CNOT1: variants seen among roughly 807,000 people sequenced by gnomAD.
The protein encoded by CNOT1 is CCR4-associated factor 1.
In CNOT1, 15 loss-of-function variants were observed where a neutral mutation model predicts 273.8. The observed-to-expected ratio is 0.05, with a 90% CI of 0.04 to 0.08. The LOEUF (loss-of-function observed/expected upper bound fraction) is 0.08, where lower values mean the gene tolerates loss of function less well. CNOT1 is among the 10% of genes least tolerant of loss of function. The pLI is 1.00. For missense variants in CNOT1, 1,644 were observed against 2,912.2 expected (o/e 0.56, Z 10.02); for synonymous variants, 1,022 against 1,005.5 (o/e 1.02, Z -0.31).
chr16:58,523,329 A>C (rs1234308924), intron 47 of CNOT1, 41 bp downstream of exon 47: 1 of 1,534,660 alleles, frequency 6.5e-7, no homozygotes, highest in East Asian at 2.3e-5. Flanking sequence ...GAAAGGGAGG[A>C]GATCCTTTTG....
chr16:58,603,784 C>T (rs1383099013), intron 1 of CNOT1, among the ~76,000 whole-genome samples: 1 of 152,120 alleles, frequency 6.6e-6, no homozygotes, highest in Admixed American at 6.6e-5. Flanking sequence ...ATCACCTTCT[C>T]AGTGAAGACA....
chr16:58,532,552 C>T (rs896692031), intron 40 of CNOT1, 157 bp from the exon 41 acceptor site: 5 of 1,337,344 alleles, frequency 3.7e-6, no homozygotes, highest in Non-Finnish European at 3.0e-6. Flanking sequence ...CCGATAGGGT[C>T]ATAAATTGGT....
chr16:58,619,948 A>T (rs2043249238), intron 1 of CNOT1, among the ~76,000 whole-genome samples: 1 of 152,210 alleles, frequency 6.6e-6, no homozygotes, highest in African/African-American at 2.4e-5. Flanking sequence ...TGATATTCTA[A>T]AATCCAATGC....
At chr16:58,586,999 C>T (rs1312713944) in intron 6 of CNOT1, among the ~76,000 whole-genome samples, 1 of 152,152 alleles carries the variant, frequency 6.6e-6, no homozygotes, top group Non-Finnish European at 1.5e-5. Context: ...TGTTACACAA[C>T]CTGAATACAA....
At chr16:58,568,784 A>C (rs2041157441) in intron 16 of CNOT1, among the ~76,000 whole-genome samples, 1 of 152,262 alleles carries the variant, frequency 6.6e-6, no homozygotes, top group African/African-American at 2.4e-5. Flanking sequence ...ATTAGGTTTA[A>C]GAAAATCTCG....
chr16:58,607,690 G>A (rs1386845720), intron 1 of CNOT1, among the ~76,000 whole-genome samples: 1 of 124,374 alleles, frequency 8.0e-6, no homozygotes, highest in Non-Finnish European at 1.6e-5. Flanking sequence ...TCATGCTATT[G>A]TACTCCAGCC....
At chr16:58,620,634 G>A (rs1241023581) in intron 1 of CNOT1, among the ~76,000 whole-genome samples, 1 of 127,652 alleles carries the variant, frequency 7.8e-6, no homozygotes, top group Non-Finnish European at 1.6e-5. Flanking sequence ...GGGTGACACA[G>A]CGAAGACTCT....
chr16:58,536,895 C>A (rs149659667), intron 39 of CNOT1, 94 bp downstream of exon 39: 16 of 1,513,180 alleles, frequency 1.1e-5, no homozygotes. Flanking sequence ...AGGTAACTGT[C>A]TGACCACATG....
At chr16:58,603,654 T>C (rs115280604) in intron 1 of CNOT1, among the ~76,000 whole-genome samples, 98 of 152,246 alleles carry the variant, frequency 6.4e-4, no homozygotes, top group African/African-American at 2.3e-3. Flanking sequence ...GGCCTCCTTG[T>C]TGCTTCTCAG....
At chr16:58,598,622 G>A (rs1414560241) in intron 2 of CNOT1, among the ~76,000 whole-genome samples, 1 of 150,832 alleles carries the variant, frequency 6.6e-6, no homozygotes, top group East Asian at 2.0e-4. Flanking sequence ...GAGCCTGGGC[G>A]ACTCTGTCTC....
intron 2 of CNOT1, among the ~76,000 whole-genome samples, chr16:58,592,326 C>T (rs1567430424): frequency 6.6e-6 from 1 of 151,970 alleles, no homozygotes; most frequent in Non-Finnish European, 1.5e-5. Context: ...TCTTTAATTA[C>T]TGCAAAACTG....
intron 16 of CNOT1, among the ~76,000 whole-genome samples, chr16:58,566,878 C>T (rs2041061530): frequency 6.6e-6 from 1 of 152,106 alleles, no homozygotes; most frequent in Non-Finnish European, 1.5e-5. Context: ...AGGTGACCCA[C>T]CCTCGGCCTC....
intron 24 of CNOT1, 94 bp downstream of exon 24, chr16:58,551,038 A>G: frequency 6.5e-7 from 1 of 1,549,518 alleles, no homozygotes; most frequent in East Asian, 2.3e-5. Context: ...TATTACCTCT[A>G]CCTTTAAAGT....
intron 1 of CNOT1, among the ~76,000 whole-genome samples, chr16:58,607,761 A>T (rs1310313969): frequency 6.7e-6 from 1 of 148,204 alleles, no homozygotes. Flanking sequence ...GAAAAGGGCT[A>T]TCTAAATGGG....
chr16:58,618,365 C>CCT (rs2043171628), intron 1 of CNOT1, among the ~76,000 whole-genome samples: 1 of 151,938 alleles, frequency 6.6e-6, no homozygotes, highest in African/African-American at 2.4e-5. Context: ...GGATGGATCA[C>CCT]GAGGTCAGGA....
chr16:58,527,161 CTAAT>C (rs977447943), intron 44 of CNOT1, among the ~76,000 whole-genome samples: 1 of 152,130 alleles, frequency 6.6e-6, no homozygotes, highest in Admixed American at 6.6e-5. Context: ...GGTTCCATAT[CTAAT>C]TAACCTCAAA....
At position 58,538,800 on chromosome 16, in the gene CNOT1, A is replaced by C. The variant is rs147961276; in HGVS notation, c.5107T>G (p.Ser1703Ala). The change falls in exon 36 of 49, where the codon TCT (serine) becomes GCT (alanine). Residue 1703 changes from serine to alanine, a missense_variant. Ser to Ala is a moderately conservative substitution (Grantham distance 99). Coordinates refer to ENST00000317147, the MANE Select transcript of CNOT1 (RefSeq NM_016284.5). ...KALQDGRAYGSPWCNKQITRC... is the reference protein window; with the variant it reads ...KALQDGRAYGAPWCNKQITRC... ...GTGATCTGTTTGTTGCACCATGGAG[A>C]CCCATATGCCCGGCCATCCTGCAGA... 1.3e-4 allele frequency: 205 copies of C among 1,612,414 alleles called. 1 individual carries two copies. In the African/African-American group the frequency reaches 2.4e-3, roughly 19 times the overall value.
intron 38 of CNOT1, 85 bp from the exon 39 acceptor site, chr16:58,537,305 C>G: frequency 6.7e-7 from 1 of 1,497,308 alleles, no homozygotes; most frequent in Middle Eastern, 2.0e-4. Context: ...GCTTATTTAA[C>G]AGCAACCACC....
chr16:58,530,187 A>C (rs1301069116), intron 43 of CNOT1, 59 bp downstream of exon 43: 56 of 1,370,884 alleles, frequency 4.1e-5, no homozygotes, highest in Middle Eastern at 2.1e-4. Context: ...TCAGATTCCT[A>C]AAGTGTATTT....
Sources: gnomAD v4.1 joint callset for allele counts (sites outside exome capture counted in the v4.1 genomes callset) on GRCh38, gnomAD v4.1.1 for gene constraint, MANE v1.5 for transcripts, NCBI Gene and HGNC (gene_info 2026-07-23, HGNC 2026-07-21) for gene names.